GPC5: variants seen among roughly 807,000 people sequenced by gnomAD.
The protein encoded by GPC5 is glypican-5.
In GPC5, 47 loss-of-function variants were observed where a neutral mutation model predicts 53.9. The observed-to-expected ratio is 0.87, with a 90% confidence interval of 0.69 to 1.11. The LOEUF is 1.11. Ranked by LOEUF, GPC5 falls within the 50% of genes most tolerant of loss-of-function variation. GPC5 has a pLI of 0.00. For synonymous variants in GPC5, 286 were observed against 263.3 expected (o/e 1.09, Z -0.84); for missense variants, 748 against 713.1 (o/e 1.05, Z -0.56).
intron 6 of GPC5, among the ~76,000 whole-genome samples, chr13:92,141,502 A>C: frequency 6.6e-6 from 1 of 152,192 alleles, no homozygotes; most frequent in East Asian, 1.9e-4. Flanking sequence ...TACAGAAATG[A>C]TGACCTCTCA....
chr13:92,668,464 A>G (rs1226890666), intron 7 of GPC5, among the ~76,000 whole-genome samples: 1 of 152,156 alleles, frequency 6.6e-6, no homozygotes, highest in Non-Finnish European at 1.5e-5. Flanking sequence ...ACATTCAGCA[A>G]GAGAATGTTT....
chr13:92,792,678 G>A (rs1285278954), intron 7 of GPC5, among the ~76,000 whole-genome samples: 1 of 152,056 alleles, frequency 6.6e-6, no homozygotes, highest in Non-Finnish European at 1.5e-5. Flanking sequence ...TCAAAATAAA[G>A]GGATGGAGGA....
At chr13:92,487,075 C>T (rs1015589493) in intron 7 of GPC5, among the ~76,000 whole-genome samples, 2 of 152,046 alleles carry the variant, frequency 1.3e-5, no homozygotes, top group East Asian at 3.9e-4. Flanking sequence ...AGGCTGGTCT[C>T]GAACTCCTGA....
chr13:92,515,777 T>C (rs2138959717), intron 7 of GPC5, among the ~76,000 whole-genome samples: 1 of 152,258 alleles, frequency 6.6e-6, no homozygotes, highest in African/African-American at 2.4e-5. Flanking sequence ...TGTTCAATAT[T>C]GAGGAAATCA....
chr13:91,933,233 C>T (rs2039838233), intron 6 of GPC5, among the ~76,000 whole-genome samples: 2 of 151,878 alleles, frequency 1.3e-5, no homozygotes, highest in Non-Finnish European at 2.9e-5. Context: ...TTTGCTCAGG[C>T]CTGTTTAACC....
intron 2 of GPC5, among the ~76,000 whole-genome samples, chr13:91,526,173 CAGA>C (rs1267355843): frequency 1.4e-4 from 21 of 152,166 alleles, no homozygotes; most frequent in African/African-American, 5.1e-4. Flanking sequence ...TTAGTAGGGA[CAGA>C]AGGAGAGACG....
intron 7 of GPC5, among the ~76,000 whole-genome samples, chr13:92,704,699 T>C (rs1887881417): frequency 6.6e-6 from 1 of 151,872 alleles, no homozygotes; most frequent in African/African-American, 2.4e-5. Flanking sequence ...CTATGCATTT[T>C]TTAATACTAA....
At position 91,650,750 on chromosome 13, in the gene GPC5, G is replaced by GTTTTTGTTTTTTTTTTTTTTTTTTTTTT. The variant is rs1491353283; in HGVS notation, c.326-42432_326-42431insGTTTTTTTTTTTTTTTTTTTTTTTTTTT. On this transcript the variant is annotated intron_variant, in intron 2 of 7. Transcript: ENST00000377067. Reference sequence around the variant, plus strand: ...CATCTGTGAAACAAAATTCCCATAAGTTTTTTTTTTTTTTTTTTTTTTAGC... The same window carrying GTTTTTGTTTTTTTTTTTTTTTTTTTTTT: ...CATCTGTGAAACAAAATTCCCATAAGTTTTTGTTTTTTTTTTTTTTTTTTTTTTTTTTTTTTTTTTTTTTTTTTTTAGC... 3.1e-3 allele frequency among the ~76,000 whole-genome samples: 313 copies of GTTTTTGTTTTTTTTTTTTTTTTTTTTTT among 99,590 alleles called. 12 individuals carry two copies. The highest frequency in any genetic ancestry group is 0.014 in the East Asian group (43 of 3,042). 65.3% of individuals were successfully genotyped at this position (99,590 alleles called of 152,430 possible). A position where few individuals can be genotyped will look rare whatever the true frequency, so the allele number is the denominator to read the frequency against.
intron 7 of GPC5, among the ~76,000 whole-genome samples, chr13:92,781,258 C>A (rs1414958241): frequency 1.3e-5 from 2 of 151,988 alleles, no homozygotes; most frequent in South Asian, 4.1e-4. Flanking sequence ...GTAGTATCCA[C>A]AAAATATATA....
intron 7 of GPC5, among the ~76,000 whole-genome samples, chr13:92,325,400 C>T (rs2043244162): frequency 6.6e-6 from 1 of 152,026 alleles, no homozygotes; most frequent in South Asian, 2.1e-4. Context: ...GGAGGCAAAA[C>T]ATAAACAAAT....
intron 2 of GPC5, among the ~76,000 whole-genome samples, chr13:91,628,722 A>T (rs1013442044): frequency 2.0e-5 from 3 of 152,288 alleles, no homozygotes; most frequent in Admixed American, 6.5e-5. Flanking sequence ...TAACAATAAG[A>T]TAATAACTAA....
chr13:92,058,513 CTCACTGTTA>C (rs1232068567), intron 6 of GPC5, among the ~76,000 whole-genome samples: 3 of 152,138 alleles, frequency 2.0e-5, no homozygotes, highest in African/African-American at 7.2e-5. Context: ...TCTACGTTGA[CTCACTGTTA>C]TCACTCAAAG....
chr13:91,899,303 T>C (rs566759086), intron 5 of GPC5, among the ~76,000 whole-genome samples: 1 of 152,258 alleles, frequency 6.6e-6, no homozygotes, highest in African/African-American at 2.4e-5. Flanking sequence ...CTAGATATCA[T>C]GTACTGATAA....
chr13:92,642,690 G>T (rs536161401), intron 7 of GPC5, among the ~76,000 whole-genome samples: 21 of 152,338 alleles, frequency 1.4e-4, no homozygotes, highest in African/African-American at 4.6e-4. Flanking sequence ...TAGTTAGACA[G>T]TTTAGCCGAG....
chr13:92,391,222 C>T (rs1874987589), intron 7 of GPC5, among the ~76,000 whole-genome samples: 1 of 152,136 alleles, frequency 6.6e-6, no homozygotes, highest in African/African-American at 2.4e-5. Flanking sequence ...AATTCTCCAA[C>T]CCATTTTTTT....
chr13:92,548,196 A>G (rs1373557108), intron 7 of GPC5, among the ~76,000 whole-genome samples: 2 of 151,850 alleles, frequency 1.3e-5, no homozygotes, highest in Admixed American at 1.3e-4. Context: ...GTAAACTTCT[A>G]TGTTCAGGCA....
chr13:92,205,341 A>C (rs2042326198), intron 7 of GPC5, among the ~76,000 whole-genome samples: 1 of 152,046 alleles, frequency 6.6e-6, no homozygotes, highest in African/African-American at 2.4e-5. Flanking sequence ...ATCTGATTTT[A>C]CTTGGTCTTC....
At chr13:92,287,338 G>T (rs1157092257) in intron 7 of GPC5, among the ~76,000 whole-genome samples, 4 of 152,108 alleles carry the variant, frequency 2.6e-5, no homozygotes, top group African/African-American at 9.7e-5. Flanking sequence ...TTTTGTGGTT[G>T]TTCTGTGGCG....
chr13:92,797,198 C>T (rs1876716086), intron 7 of GPC5, among the ~76,000 whole-genome samples: 1 of 151,824 alleles, frequency 6.6e-6, no homozygotes, highest in Non-Finnish European at 1.5e-5. Context: ...ATCAAAATGT[C>T]AAAGCTAATA....
Sources: gnomAD v4.1 joint callset for allele counts (sites outside exome capture counted in the v4.1 genomes callset) on GRCh38, gnomAD v4.1.1 for gene constraint, MANE v1.5 for transcripts, NCBI Gene and HGNC (gene_info 2026-07-23, HGNC 2026-07-21) for gene names.